The following FER1L6 variants were observed in gnomAD, a reference collection of about 807,000 sequenced individuals.
FER1L6 encodes the protein fer-1-like protein 6.
FER1L6 carries 177 observed loss-of-function variants against 219.2 expected under a neutral mutation model. The observed-to-expected ratio is 0.81, with a 90% CI of 0.71 to 0.91. FER1L6 has a LOEUF of 0.91. Among genes scored for constraint, FER1L6 ranks in the 40% least tolerant of loss-of-function variants. FER1L6 has a pLI of 0.00. For synonymous variants in FER1L6, 768 were observed against 824.3 expected (o/e 0.93, Z 1.17); for missense variants, 2,153 against 2,259.9 (o/e 0.95, Z 0.96).
intron 22 of FER1L6, among the ~76,000 whole-genome samples, chr8:124,053,686 C>T (rs1192797057): frequency 1.3e-5 from 2 of 152,016 alleles, no homozygotes; most frequent in Non-Finnish European, 2.9e-5. Flanking sequence ...AGTGGGATCC[C>T]CGTCTCTACA....
At chr8:123,959,838 T>C (rs1815188107) in intron 2 of FER1L6, among the ~76,000 whole-genome samples, 1 of 152,198 alleles carries the variant, frequency 6.6e-6, no homozygotes, top group African/African-American at 2.4e-5. Context: ...CATAAAACAG[T>C]GTGATATAAA....
chr8:123,916,157 C>T, intron 1 of FER1L6, among the ~76,000 whole-genome samples: 1 of 152,208 alleles, frequency 6.6e-6, no homozygotes, highest in East Asian at 1.9e-4. Context: ...GAAGTAAACT[C>T]TCCCTCTTTT....
At chr8:123,924,650 G>A (rs557085011) in intron 1 of FER1L6, 1 of 152,116 alleles carries the variant, frequency 6.6e-6, no homozygotes, top group Non-Finnish European at 1.5e-5. Flanking sequence ...TGAAGCCCTG[G>A]CACTCAGAGG....
rs534316114 is a variant in FER1L6 at position 123,925,123 on chromosome 8, C to T, written c.-7-30869C>T. On this transcript the variant is annotated intron_variant, in intron 1 of 40. Coordinates refer to ENST00000522917, the MANE Select transcript of FER1L6 (RefSeq NM_001039112.2). ...AGGTACTGACAGAATGTTGATTTATCGATATGTAATGGACACTGAAAACAG... is the reference window on the plus strand; with the variant it reads ...AGGTACTGACAGAATGTTGATTTATTGATATGTAATGGACACTGAAAACAG... 3.9e-4 allele frequency among the ~76,000 whole-genome samples: 59 copies of T among 152,206 alleles called. 1 individual carries two copies. The highest frequency in any genetic ancestry group is 6.8e-3 in the Middle Eastern group (2 of 294).
At chr8:123,972,521 G>A (rs1239595125) in intron 6 of FER1L6, among the ~76,000 whole-genome samples, 3 of 152,144 alleles carry the variant, frequency 2.0e-5, no homozygotes, top group Admixed American at 1.3e-4. Flanking sequence ...CCTTTACTAC[G>A]TGGAGTTCTT....
intron 20 of FER1L6, among the ~76,000 whole-genome samples, chr8:124,045,364 A>G (rs1382890743): frequency 2.0e-5 from 3 of 152,188 alleles, no homozygotes; most frequent in Non-Finnish European, 4.4e-5. Flanking sequence ...ATGTGTGTAA[A>G]TAACTGAACC....
At chr8:124,039,455 GA>G (rs1201744795) in intron 19 of FER1L6, among the ~76,000 whole-genome samples, 1 of 152,136 alleles carries the variant, frequency 6.6e-6, no homozygotes, top group Non-Finnish European at 1.5e-5. Context: ...ATAAACAGGA[GA>G]ATTACTGGGG....
intron 1 of FER1L6, among the ~76,000 whole-genome samples, chr8:123,919,342 G>A (rs993660905): frequency 3.9e-5 from 6 of 152,202 alleles, no homozygotes; most frequent in African/African-American, 1.4e-4. Context: ...TTGTAGGGAG[G>A]ACTTGCTTTG....
intron 20 of FER1L6, among the ~76,000 whole-genome samples, chr8:124,041,290 A>G (rs1307249320): frequency 2.6e-5 from 4 of 152,260 alleles, no homozygotes; most frequent in Non-Finnish European, 5.9e-5. Flanking sequence ...GTCATGAAGA[A>G]GCAGATATTT....
At chr8:123,958,964 A>T (rs1563708037) in intron 2 of FER1L6, among the ~76,000 whole-genome samples, 1 of 151,962 alleles carries the variant, frequency 6.6e-6, no homozygotes. Flanking sequence ...TGAGAGGGCC[A>T]CGCAGGCAGT....
intron 1 of FER1L6, among the ~76,000 whole-genome samples, chr8:123,866,720 C>T (rs113032049): frequency 6.6e-6 from 1 of 152,080 alleles, no homozygotes. Flanking sequence ...TGAGCTCAAG[C>T]GATCCTCCTG....
intron 21 of FER1L6, among the ~76,000 whole-genome samples, chr8:124,048,205 T>C (rs897827655): frequency 6.6e-6 from 1 of 152,198 alleles, no homozygotes; most frequent in Admixed American, 6.5e-5. Flanking sequence ...GTTGCACATA[T>C]TGCTTCAGGA....
chr8:124,030,403 A>G (rs1351944327), intron 18 of FER1L6, among the ~76,000 whole-genome samples: 1 of 152,146 alleles, frequency 6.6e-6, no homozygotes, highest in Non-Finnish European at 1.5e-5. Context: ...ATGGAACAGA[A>G]TTTGCAGAAC....
intron 1 of FER1L6, among the ~76,000 whole-genome samples, chr8:123,859,056 A>G (rs2130248450): frequency 6.6e-6 from 1 of 152,108 alleles, no homozygotes; most frequent in South Asian, 2.1e-4. Flanking sequence ...GCTGGAGTGC[A>G]GTGGCACATC....
chr8:123,876,782 C>T (rs1441623299), intron 1 of FER1L6, among the ~76,000 whole-genome samples: 2 of 152,168 alleles, frequency 1.3e-5, no homozygotes, highest in South Asian at 2.1e-4. Flanking sequence ...ATCTCTTTCT[C>T]TCTCTCAACT....
At chr8:124,088,224 C>G (rs1821863690) in intron 33 of FER1L6, among the ~76,000 whole-genome samples, 1 of 152,134 alleles carries the variant, frequency 6.6e-6, no homozygotes, top group South Asian at 2.1e-4. Flanking sequence ...CTCTATTCTA[C>G]TGTGGCTGAA....
rs1378854469 is a variant in FER1L6 at position 124,010,602 on chromosome 8, A to G, written c.1709A>G (p.Asn570Ser). ...CCTAATTGTTTTCACAGGAATTACA[A>G]CTATTTGCCATTTGAGGCTAAGAAG... ...PLVTEGNRNY[N>S]YLPFEAKKPC... Residue 570 changes from asparagine to serine, a missense_variant, in exon 14 of 41, where the codon AAC (asparagine) becomes AGC (serine). Asn to Ser is a conservative substitution (Grantham distance 46, BLOSUM62 1). Transcript: ENST00000522917. 2 of 1,613,708 alleles carry G rather than the reference A, an allele frequency of 1.2e-6. No homozygotes were observed. Among genetic ancestry groups the G allele is most frequent in the African/African-American group, 1.3e-5 (1 of 74,924 alleles).
intron 15 of FER1L6, among the ~76,000 whole-genome samples, chr8:124,016,486 C>A (rs912948074): frequency 3.3e-5 from 5 of 152,126 alleles, no homozygotes; most frequent in South Asian, 4.2e-4. Flanking sequence ...AATAAATATA[C>A]CAAGTAGGAA....
chr8:124,101,040 T>C lies in FER1L6; in HGVS notation c.4884-57T>C, dbSNP rs1369696533. 7 of 1,534,716 alleles carry C rather than the reference T, an allele frequency of 4.6e-6. No individual in the cohort carries two copies. In the African/African-American group the frequency reaches 5.5e-5, roughly 12 times the overall value. On this transcript the variant is annotated intron_variant, in intron 37 of 40. Transcript: ENST00000522917. ...AAATAAGCTAAATCACTTATGATTATACTGATGCCTGGAGAATGTACTCTG... is the reference window on the plus strand; with the variant it reads ...AAATAAGCTAAATCACTTATGATTACACTGATGCCTGGAGAATGTACTCTG...
Sources: gnomAD v4.1 joint callset for allele counts (sites outside exome capture counted in the v4.1 genomes callset) on GRCh38, gnomAD v4.1.1 for gene constraint, MANE v1.5 for transcripts, NCBI Gene and HGNC (gene_info 2026-07-23, HGNC 2026-07-21) for gene names.